The following FAM135B variants were observed in gnomAD, a reference collection of about 807,000 sequenced individuals.
FAM135B encodes family with sequence similarity 135 member B.
A neutral mutation model predicts 127.7 loss-of-function variants in FAM135B; 43 were observed. The observed-to-expected ratio is 0.34, with a 90% CI of 0.26 to 0.43. The LOEUF (loss-of-function observed/expected upper bound fraction) is 0.43. FAM135B is among the 20% of genes least tolerant of loss of function. The pLI, the probability that FAM135B is intolerant of heterozygous loss-of-function variation, is 1.00. For missense variants in FAM135B, 1,558 were observed against 1,725.6 expected, an observed-to-expected ratio of 0.90 and a Z score of 1.72; for synonymous variants, 670 against 665.1, an observed-to-expected ratio of 1.01 and a Z score of -0.11.
intron 2 of FAM135B, among the ~76,000 whole-genome samples, chr8:138,318,881 A>G (rs1827260602): frequency 6.6e-6 from 1 of 152,342 alleles, no homozygotes; most frequent in East Asian, 1.9e-4. Context: ...AAACTGCTTT[A>G]GTAATTTCCT....
At chr8:138,402,600 A>G (rs1218501929) in intron 1 of FAM135B, among the ~76,000 whole-genome samples, 2 of 152,206 alleles carry the variant, frequency 1.3e-5, no homozygotes, top group African/African-American at 4.8e-5. Context: ...CCTGTTGAAG[A>G]TGATAAAACC....
At chr8:138,339,358 AATATATAT>A (rs143774221) in intron 2 of FAM135B, among the ~76,000 whole-genome samples, 106,248 of 147,754 alleles carry the variant, frequency 0.72, 38,764 homozygotes, top group Non-Finnish European at 0.8. Context: ...AAACTAACTA[AATATATAT>A]ATATATATAT....
chr8:138,380,577 C>A (rs1437629448), intron 1 of FAM135B, among the ~76,000 whole-genome samples: 1 of 152,108 alleles, frequency 6.6e-6, no homozygotes, highest in African/African-American at 2.4e-5. Context: ...GCTCCTTACA[C>A]AGATACGACA....
chr8:138,362,572 C>CTG (rs1321733665), intron 2 of FAM135B, among the ~76,000 whole-genome samples: 8 of 152,114 alleles, frequency 5.3e-5, no homozygotes, highest in African/African-American at 9.7e-5. Context: ...CATTTGTCAG[C>CTG]TGTGTGTACT....
At chr8:138,471,888 A>G (rs903745817) in intron 1 of FAM135B, among the ~76,000 whole-genome samples, 3 of 152,174 alleles carry the variant, frequency 2.0e-5, no homozygotes, top group South Asian at 2.1e-4. Flanking sequence ...TTGAGGAAAG[A>G]ATGAAATCAA....
chr8:138,416,216 G>T (rs1834139844), intron 1 of FAM135B, among the ~76,000 whole-genome samples: 1 of 152,178 alleles, frequency 6.6e-6, no homozygotes, highest in African/African-American at 2.4e-5. Flanking sequence ...TAGTAAAGCA[G>T]AGCAATAGAG....
At chr8:138,435,839 G>A (rs1360346888) in intron 1 of FAM135B, among the ~76,000 whole-genome samples, 2 of 152,164 alleles carry the variant, frequency 1.3e-5, no homozygotes, top group Non-Finnish European at 2.9e-5. Flanking sequence ...AAGCAAAGGA[G>A]GGGAGACTTC....
intron 1 of FAM135B, among the ~76,000 whole-genome samples, chr8:138,395,984 G>A (rs1327372460): frequency 6.6e-6 from 1 of 152,178 alleles, no homozygotes; most frequent in Non-Finnish European, 1.5e-5. Flanking sequence ...AGGAGTCTGG[G>A]CATCAGGGTT....
At chr8:138,447,007 C>T (rs1836207151) in intron 1 of FAM135B, among the ~76,000 whole-genome samples, 1 of 152,152 alleles carries the variant, frequency 6.6e-6, no homozygotes, top group African/African-American at 2.4e-5. Flanking sequence ...TATGAACAGA[C>T]ACTTCTCTAA....
chr8:138,308,268 T>C (rs1826410083), intron 3 of FAM135B, among the ~76,000 whole-genome samples: 1 of 152,144 alleles, frequency 6.6e-6, no homozygotes, highest in Non-Finnish European at 1.5e-5. Context: ...CACAGATGAG[T>C]GAAGCCATCT....
intron 2 of FAM135B, among the ~76,000 whole-genome samples, chr8:138,317,327 T>C (rs550990365): frequency 6.6e-6 from 1 of 152,204 alleles, no homozygotes; most frequent in Admixed American, 6.5e-5. Context: ...ATAATACAGA[T>C]TAGTGGCTGC....
intron 7 of FAM135B, among the ~76,000 whole-genome samples, chr8:138,216,076 C>T (rs912889725): frequency 1.3e-5 from 2 of 152,142 alleles, no homozygotes; most frequent in Non-Finnish European, 2.9e-5. Context: ...CACCTACAGA[C>T]AAGGAGCCTG....
At chr8:138,370,504 T>G (rs2131231769) in intron 1 of FAM135B, among the ~76,000 whole-genome samples, 1 of 152,168 alleles carries the variant, frequency 6.6e-6, no homozygotes, top group African/African-American at 2.4e-5. Flanking sequence ...CAGGCTGGAG[T>G]GCAGTGGCTC....
chr8:138,425,947 G>A (rs1294424740), intron 1 of FAM135B, among the ~76,000 whole-genome samples: 7 of 139,298 alleles, frequency 5.0e-5, no homozygotes, highest in Non-Finnish European at 9.2e-5. Context: ...TCAGGAGTTC[G>A]AGACCAGCCA....
At chr8:138,232,526 C>A (rs931305248) in intron 7 of FAM135B, among the ~76,000 whole-genome samples, 1 of 152,156 alleles carries the variant, frequency 6.6e-6, no homozygotes, top group Non-Finnish European at 1.5e-5. Flanking sequence ...GCACCATTTA[C>A]TCAAAGCCCC....
chr8:138,167,005 C>A (rs907433435), intron 12 of FAM135B, among the ~76,000 whole-genome samples: 5 of 151,882 alleles, frequency 3.3e-5, no homozygotes, highest in African/African-American at 9.7e-5. Context: ...CATCTCAGGG[C>A]GCACTCACAC....
intron 7 of FAM135B, among the ~76,000 whole-genome samples, chr8:138,221,491 A>G (rs1268440224): frequency 3.3e-5 from 5 of 152,184 alleles, no homozygotes; most frequent in African/African-American, 1.2e-4. Flanking sequence ...ACACGGATTC[A>G]AACCATATTA....
chr8:138,490,151 A>G (rs1815141885), intron 1 of FAM135B, among the ~76,000 whole-genome samples: 2 of 152,222 alleles, frequency 1.3e-5, no homozygotes, highest in Admixed American at 6.5e-5. Context: ...CAATTGGGAA[A>G]AGAAGTCCAG....
chr8:138,321,192 C>T (rs555482903), intron 2 of FAM135B, among the ~76,000 whole-genome samples: 2 of 152,276 alleles, frequency 1.3e-5, no homozygotes, highest in East Asian at 3.9e-4. Context: ...GAGGCAGGAA[C>T]AGGAGCATCC....
Sources: gnomAD v4.1 joint callset for allele counts (sites outside exome capture counted in the v4.1 genomes callset) on GRCh38, gnomAD v4.1.1 for gene constraint, MANE v1.5 for transcripts, NCBI Gene and HGNC (gene_info 2026-07-23, HGNC 2026-07-21) for gene names.